The following DCX variants were observed in gnomAD, a reference collection of about 807,000 sequenced individuals.
The protein encoded by DCX is neuronal migration protein doublecortin.
Under a neutral mutation model 20.9 loss-of-function variants are expected in DCX, and 4 were observed. The observed-to-expected ratio is 0.19, with a 90% CI of 0.09 to 0.44. The LOEUF (loss-of-function observed/expected upper bound fraction) is 0.44, where lower values mean the gene tolerates loss of function less well. Ranked by LOEUF, DCX falls within the 20% of genes least tolerant of loss-of-function variation. The probability of loss-of-function intolerance (pLI) is 0.99; values close to 1 mark genes in which losing one functional copy is unlikely to be tolerated. For synonymous variants in DCX, 103 were observed against 111.4 expected (o/e 0.92, Z 0.47); for missense variants, 133 against 296.9 (o/e 0.45, Z 4.06).
chrX:111,394,880 C>T (rs1287583415), intron 3 of DCX, among the ~76,000 whole-genome samples: 1 of 112,298 alleles, frequency 8.9e-6, no homozygotes, highest in Non-Finnish European at 1.9e-5. Flanking sequence ...CCTTCTGCTC[C>T]TTATACCATC....
intron 3 of DCX, among the ~76,000 whole-genome samples, chrX:111,369,202 G>A (rs1012479832): frequency 9.0e-6 from 1 of 110,703 alleles, no homozygotes; most frequent in South Asian, 4.0e-4. Context: ...GAGTGAGTCT[G>A]CCTTTCCTAG....
intron 5 of DCX, among the ~76,000 whole-genome samples, chrX:111,330,289 C>T (rs568857554): frequency 6.2e-5 from 7 of 112,396 alleles, no homozygotes; most frequent in Non-Finnish European, 9.4e-5. Flanking sequence ...GATCAATAGA[C>T]GACATGTTTT....
At chrX:111,306,025 A>C (rs2095044638) in intron 6 of DCX, among the ~76,000 whole-genome samples, 1 of 111,685 alleles carries the variant, frequency 9.0e-6, no homozygotes. Flanking sequence ...TAATGAACGA[A>C]AAATGATATA....
At chrX:111,362,772 CT>C (rs780628380) in intron 3 of DCX, among the ~76,000 whole-genome samples, 1,425 of 111,325 alleles carry the variant, frequency 0.013, 13 homozygotes, top group Non-Finnish European at 0.021. Context: ...TCACAAATGC[CT>C]TTCCCCATCC....
chrX:111,343,241 T>G, intron 3 of DCX, among the ~76,000 whole-genome samples: 1 of 106,736 alleles, frequency 9.4e-6, no homozygotes, highest in Non-Finnish European at 1.9e-5. Context: ...AAAGGGGATA[T>G]CACCACTGAC....
intron 3 of DCX, among the ~76,000 whole-genome samples, chrX:111,341,464 C>T (rs1160577792): frequency 9.0e-6 from 1 of 111,205 alleles, no homozygotes; most frequent in Non-Finnish European, 1.9e-5. Context: ...GGGTATTATC[C>T]AGGAGAACTT....
intron 2 of DCX, among the ~76,000 whole-genome samples, chrX:111,403,139 C>A (rs1411337339): frequency 9.0e-6 from 1 of 111,557 alleles, no homozygotes; most frequent in Non-Finnish European, 1.9e-5. Flanking sequence ...CAGCCAATAA[C>A]CCCCATAACC....
intron 3 of DCX, among the ~76,000 whole-genome samples, chrX:111,384,893 G>A (rs187608405): frequency 3.6e-5 from 4 of 112,481 alleles, no homozygotes; most frequent in African/African-American, 1.3e-4. Flanking sequence ...ATTGTGGAAG[G>A]AACTTTTGGG....
intron 3 of DCX, among the ~76,000 whole-genome samples, chrX:111,365,218 C>A (rs931954926): frequency 9.1e-6 from 1 of 109,856 alleles, no homozygotes; most frequent in Non-Finnish European, 1.9e-5. Context: ...CCATGCCAGG[C>A]ATAGTCTTAT....
intron 3 of DCX, among the ~76,000 whole-genome samples, chrX:111,378,573 C>T (rs1925720620): frequency 9.0e-6 from 1 of 111,188 alleles, no homozygotes; most frequent in Non-Finnish European, 1.9e-5. Flanking sequence ...AAACAACTTC[C>T]AACTTTCTAA....
chrX:111,353,287 T>C (rs1401845549), intron 3 of DCX, among the ~76,000 whole-genome samples: 1 of 111,924 alleles, frequency 8.9e-6, no homozygotes, highest in Non-Finnish European at 1.9e-5. Flanking sequence ...ATGCCTCAGG[T>C]TCCTGACCTG....
At chrX:111,361,027 A>T (rs1924163346) in intron 3 of DCX, among the ~76,000 whole-genome samples, 1 of 111,669 alleles carries the variant, frequency 9.0e-6, no homozygotes, top group Non-Finnish European at 1.9e-5. Flanking sequence ...ACTAGGTGCC[A>T]GTAGCGACCC....
chrX:111,319,659 G>T (rs948203262), intron 5 of DCX, among the ~76,000 whole-genome samples: 1 of 112,296 alleles, frequency 8.9e-6, no homozygotes, highest in Admixed American at 9.4e-5. Context: ...TACAGTGCCT[G>T]AGGGCTTCCC....
At chrX:111,384,006 G>A (rs765079918) in intron 3 of DCX, among the ~76,000 whole-genome samples, 6 of 111,294 alleles carry the variant, frequency 5.4e-5, no homozygotes, top group African/African-American at 1.3e-4. Flanking sequence ...GTTAAAGGAC[G>A]GCTGAAGTTC....
intron 6 of DCX, among the ~76,000 whole-genome samples, chrX:111,304,573 T>C (rs966211555): frequency 1.8e-5 from 2 of 111,490 alleles, no homozygotes; most frequent in Admixed American, 9.5e-5. Flanking sequence ...CCCAGAGAAT[T>C]GTCAATCTTT....
At chrX:111,369,210 T>C (rs1019353362) in intron 3 of DCX, among the ~76,000 whole-genome samples, 6 of 110,933 alleles carry the variant, frequency 5.4e-5, no homozygotes, top group African/African-American at 2.0e-4. Context: ...CTGCCTTTCC[T>C]AGCCCACTGA....
intron 3 of DCX, among the ~76,000 whole-genome samples, chrX:111,370,634 C>G (rs1424554966): frequency 1.8e-5 from 2 of 111,161 alleles, no homozygotes; most frequent in Non-Finnish European, 3.8e-5. Flanking sequence ...TCAGGACGCT[C>G]TCAGTTCGGA....
intron 3 of DCX, among the ~76,000 whole-genome samples, chrX:111,392,965 G>A (rs983837035): frequency 2.7e-5 from 3 of 110,750 alleles, no homozygotes; most frequent in African/African-American, 9.9e-5. Flanking sequence ...AGGAACAATA[G>A]CCCATTTTAG....
chrX:111,316,086 T>TA (rs754058802), intron 5 of DCX, among the ~76,000 whole-genome samples: 2,306 of 50,657 alleles, frequency 0.046, 46 homozygotes, highest in Non-Finnish European at 0.063. Context: ...TAATAAAAAA[T>TA]AAAAAAAAAA....
Sources: allele counts gnomAD v4.1 joint callset (sites outside exome capture counted in the v4.1 genomes callset), GRCh38; gene constraint gnomAD v4.1.1; transcripts MANE v1.5; gene names NCBI Gene and HGNC (gene_info 2026-07-23, HGNC 2026-07-21).